The following NR5A2 variants were observed in gnomAD, a reference collection of about 807,000 sequenced individuals.
NR5A2 encodes nuclear receptor subfamily 5 group A member 2.
Under a neutral mutation model 62.7 loss-of-function variants are expected in NR5A2, and 26 were observed. That is an observed-to-expected ratio of 0.41 (90% CI 0.30 to 0.58). The LOEUF (loss-of-function observed/expected upper bound fraction) is 0.58, where lower values mean the gene tolerates loss of function less well. NR5A2 is among the 20% of genes least tolerant of loss of function. The probability of loss-of-function intolerance (pLI) is 0.22; values close to 1 mark genes in which losing one functional copy is unlikely to be tolerated. For synonymous variants in NR5A2, 246 were observed against 241.7 expected, an observed-to-expected ratio of 1.02 and a Z score of -0.16; for missense variants, 541 against 669.1, an observed-to-expected ratio of 0.81 and a Z score of 2.11.
intron 7 of NR5A2, among the ~76,000 whole-genome samples, chr1:200,149,805 G>T (rs1430904453): frequency 6.6e-6 from 1 of 152,162 alleles, no homozygotes; most frequent in African/African-American, 2.4e-5. Flanking sequence ...TAACCATACA[G>T]TAGGTATCTG....
chr1:200,057,696 C>T (rs1217560179), intron 5 of NR5A2: 1 of 303,234 alleles, frequency 3.3e-6, no homozygotes. Flanking sequence ...CCAGGCTGGT[C>T]TCAAAACTCC....
At chr1:200,127,694 AAAAAAAAAAAAAAAAATATATAT>A (rs1454500540) in intron 7 of NR5A2, among the ~76,000 whole-genome samples, 1 of 99,964 alleles carries the variant, frequency 1.0e-5, no homozygotes. Flanking sequence ...AAAAAAAAAA[AAAAAAAAAAAAAAAAATATATAT>A]ATATATATAT....
chr1:200,064,340 A>G (rs1209720918), intron 5 of NR5A2, among the ~76,000 whole-genome samples: 1 of 152,190 alleles, frequency 6.6e-6, no homozygotes, highest in African/African-American at 2.4e-5. Context: ...GTTTACACCA[A>G]TGTTTAAGAT....
At chr1:200,076,137 G>T (rs1056862150) in intron 5 of NR5A2, among the ~76,000 whole-genome samples, 1 of 152,068 alleles carries the variant, frequency 6.6e-6, no homozygotes, top group Non-Finnish European at 1.5e-5. Context: ...GTAGTCTTCC[G>T]CATGGTTTAA....
At chr1:200,133,719 AC>A (rs1667092771) in intron 7 of NR5A2, among the ~76,000 whole-genome samples, 1 of 151,520 alleles carries the variant, frequency 6.6e-6, no homozygotes, top group Non-Finnish European at 1.5e-5. Flanking sequence ...CCTAGTATTT[AC>A]CCTACTATAT....
At chr1:200,038,707 G>A in intron 1 of NR5A2, 1 of 1,366,170 alleles carries the variant, frequency 7.3e-7, no homozygotes. Flanking sequence ...TCAGATCGAG[G>A]AAATTGCCGC....
chr1:200,103,769 T>C (rs1037598928), intron 5 of NR5A2, among the ~76,000 whole-genome samples: 2 of 152,218 alleles, frequency 1.3e-5, no homozygotes, highest in African/African-American at 4.8e-5. Flanking sequence ...ATTCCCAGCA[T>C]ATACTGATTA....
At chr1:200,123,730 AT>A (rs1398187947) in intron 7 of NR5A2, among the ~76,000 whole-genome samples, 2 of 135,356 alleles carry the variant, frequency 1.5e-5, no homozygotes, top group South Asian at 4.6e-4. Flanking sequence ...CAGAAGTTTT[AT>A]TTTTATTTTA....
At chr1:200,070,621 G>C (rs61819918) in intron 5 of NR5A2, among the ~76,000 whole-genome samples, 10,748 of 150,864 alleles carry the variant, frequency 0.071, 419 homozygotes, top group Middle Eastern at 0.11. Flanking sequence ...TCCAGGCTAC[G>C]GTAAGCTGAG....
At position 200,174,261 on chromosome 1, in the gene NR5A2, TG is replaced by T. The variant is rs757657182; in HGVS notation, c.*55del. 6.8e-7 allele frequency: 1 copy of T among 1,460,110 alleles called. No homozygotes were observed. Among genetic ancestry groups the T allele is most frequent in the Non-Finnish European group, 9.0e-7 (1 of 1,105,034 alleles). 90.4% of individuals were successfully genotyped at this position (1,460,110 alleles called of 1,614,324 possible). Reference sequence around the variant, plus strand: ...TCAAAACAAAAAGAGATTGGGGGAGTGGGGAGGGGGAAGAAGAACAGGAAGA... The same window carrying T: ...TCAAAACAAAAAGAGATTGGGGGAGTGGGAGGGGGAAGAAGAACAGGAAGA... On this transcript the variant is annotated 3_prime_UTR_variant, in exon 8 of 8. Coordinates refer to ENST00000367362, the MANE Select transcript of NR5A2 (RefSeq NM_205860.3).
intron 7 of NR5A2, among the ~76,000 whole-genome samples, chr1:200,133,409 T>G (rs1369329254): frequency 6.6e-6 from 1 of 151,712 alleles, no homozygotes; most frequent in East Asian, 1.9e-4. Flanking sequence ...ATTGGGCAAT[T>G]CTGCCTAATC....
chr1:200,044,829 A>G (rs1662282373), intron 3 of NR5A2, among the ~76,000 whole-genome samples: 1 of 152,094 alleles, frequency 6.6e-6, no homozygotes, highest in East Asian at 1.9e-4. Context: ...GCTACAATTC[A>G]GCTATCTGTG....
chr1:200,103,962 G>A (rs974444309), intron 5 of NR5A2, among the ~76,000 whole-genome samples: 2 of 152,184 alleles, frequency 1.3e-5, no homozygotes, highest in Non-Finnish European at 2.9e-5. Context: ...TGGGCGTGAC[G>A]TACATGGGAG....
chr1:200,097,813 T>A (rs1266809621), intron 5 of NR5A2, among the ~76,000 whole-genome samples: 1 of 152,146 alleles, frequency 6.6e-6, no homozygotes, highest in East Asian at 1.9e-4. Flanking sequence ...TATCATAGCC[T>A]GCATATTCTT....
chr1:200,043,058 C>T, intron 2 of NR5A2: 1 of 948,892 alleles, frequency 1.1e-6, no homozygotes, highest in Non-Finnish European at 1.3e-6. Flanking sequence ...GTGTCTTTTA[C>T]TCTTCTGGTA....
At chr1:200,170,848 A>G (rs1167655278) in intron 7 of NR5A2, among the ~76,000 whole-genome samples, 2 of 152,256 alleles carry the variant, frequency 1.3e-5, no homozygotes, top group Non-Finnish European at 2.9e-5. Flanking sequence ...GAGATCCATT[A>G]CATATATGCC....
At chr1:200,030,566 A>T (rs529144419) in intron 1 of NR5A2, among the ~76,000 whole-genome samples, 1 of 152,286 alleles carries the variant, frequency 6.6e-6, no homozygotes, top group African/African-American at 2.4e-5. Flanking sequence ...CCCAAGTGGG[A>T]TGATTCTATT....
intron 7 of NR5A2, among the ~76,000 whole-genome samples, chr1:200,136,564 C>T (rs1252361752): frequency 6.6e-6 from 1 of 152,196 alleles, no homozygotes; most frequent in Non-Finnish European, 1.5e-5. Context: ...AGTCAAACAA[C>T]TATACAAAAT....
At chr1:200,074,736 C>CAAAAAAAAAAAAAAAAAAAAAAAAAA (rs199556915) in intron 5 of NR5A2, among the ~76,000 whole-genome samples, 34 of 67,532 alleles carry the variant, frequency 5.0e-4, no homozygotes, top group Middle Eastern at 7.9e-3. Context: ...GAGTCCATCT[C>CAAAAAAAAAAAAAAAAAAAAAAAAAA]AAAAAAAAAA....
Sources: gnomAD v4.1 joint callset for allele counts (sites outside exome capture counted in the v4.1 genomes callset) on GRCh38, gnomAD v4.1.1 for gene constraint, MANE v1.5 for transcripts, NCBI Gene and HGNC (gene_info 2026-07-23, HGNC 2026-07-21) for gene names.